LIPH: variants seen among roughly 807,000 people sequenced by gnomAD.
The protein encoded by LIPH is lipase H.
Under a neutral mutation model 47.6 loss-of-function variants are expected in LIPH, and 32 were observed. The observed-to-expected ratio is 0.67, with a 90% confidence interval of 0.51 to 0.90. The LOEUF (loss-of-function observed/expected upper bound fraction) is 0.90. Ranked by LOEUF, LIPH falls within the 40% of genes least tolerant of loss-of-function variation. The pLI is 0.00. For synonymous variants in LIPH, 190 were observed against 195.6 expected (o/e 0.97, Z 0.24); for missense variants, 497 against 541.4 (o/e 0.92, Z 0.81).
At chr3:185,517,749 G>A (rs971350571) in intron 6 of LIPH, among the ~76,000 whole-genome samples, 8 of 152,074 alleles carry the variant, frequency 5.3e-5, no homozygotes, top group African/African-American at 1.7e-4. Flanking sequence ...CATCAGTATT[G>A]TGTTAAAACT....
chr3:185,520,347 C>G (rs1272509341), intron 5 of LIPH, among the ~76,000 whole-genome samples: 1 of 151,748 alleles, frequency 6.6e-6, no homozygotes, highest in Non-Finnish European at 1.5e-5. Flanking sequence ...GGTGAAACCC[C>G]GTCTCTACTA....
chr3:185,530,594 C>G (rs113325716), intron 3 of LIPH, among the ~76,000 whole-genome samples: 1 of 151,890 alleles, frequency 6.6e-6, no homozygotes, highest in East Asian at 1.9e-4. Flanking sequence ...TGCTTGAATC[C>G]GGGAGGCAGA....
At chr3:185,535,483 G>T (rs1312949552) in intron 1 of LIPH, among the ~76,000 whole-genome samples, 1 of 152,084 alleles carries the variant, frequency 6.6e-6, no homozygotes, top group Non-Finnish European at 1.5e-5. Flanking sequence ...TCACCATGTT[G>T]GCCAGGCTGA....
Position 185,533,665 on chromosome 3 carries a change from A to G in LIPH, c.432T>C (p.Ser144=). The change falls in exon 3 of 10, where the codon TCT becomes TCC. Residue 144 remains serine, a synonymous_variant. Transcript: ENST00000296252. The part of the protein sequence containing the change: ...FIDQMLAEGA[S]LDDIYMIGVS... Reference sequence around the variant, plus strand: ...CTCCGATCATGTAAATGTCATCAAGAGAAGCTCCTTCTGCCTGGAATTTCA... The same window carrying G: ...CTCCGATCATGTAAATGTCATCAAGGGAAGCTCCTTCTGCCTGGAATTTCA... The G allele has an allele frequency of 1.9e-6, 3 of 1,612,692 alleles. No homozygotes were observed. The highest frequency in any genetic ancestry group is 1.7e-6 in the Non-Finnish European group (2 of 1,178,656).
chr3:185,515,193 GATAATAAAAATA>G (rs1719688270), intron 7 of LIPH, among the ~76,000 whole-genome samples: 2 of 151,212 alleles, frequency 1.3e-5, no homozygotes. Flanking sequence ...AAGAAAGGGT[GATAATAAAAATA>G]AAGTGGCATT....
At chr3:185,535,458 G>T (rs1009716059) in intron 1 of LIPH, among the ~76,000 whole-genome samples, 6 of 151,982 alleles carry the variant, frequency 3.9e-5, no homozygotes, top group African/African-American at 1.2e-4. Flanking sequence ...TGTATTTTTT[G>T]ATAGAGATGG....
At chr3:185,518,597 C>T (rs1259797054) in intron 6 of LIPH, among the ~76,000 whole-genome samples, 1 of 151,538 alleles carries the variant, frequency 6.6e-6, no homozygotes, top group Admixed American at 6.6e-5. Context: ...CTTTCTAACA[C>T]TGTTTATTAG....
intron 7 of LIPH, among the ~76,000 whole-genome samples, chr3:185,515,511 C>T (rs1719703332): frequency 6.6e-6 from 1 of 150,836 alleles, no homozygotes; most frequent in South Asian, 2.1e-4. Flanking sequence ...CAGTGATCTG[C>T]AGGCTTTTTT....
intron 5 of LIPH, among the ~76,000 whole-genome samples, chr3:185,519,826 C>T (rs200583933): frequency 2.3e-5 from 2 of 87,316 alleles, no homozygotes; most frequent in Non-Finnish European, 3.9e-5. Context: ...AACAGAGTGA[C>T]ACTCCATCTC....
intron 1 of LIPH, among the ~76,000 whole-genome samples, chr3:185,538,981 TA>T (rs1478438173): frequency 2.0e-5 from 3 of 150,734 alleles, no homozygotes; most frequent in Non-Finnish European, 4.4e-5. Flanking sequence ...TTTTTTATTT[TA>T]TTTTTTTGAG....
At chr3:185,534,737 T>G (rs1248488343) in intron 2 of LIPH, 28 bp downstream of exon 2, 2 of 1,611,562 alleles carry the variant, frequency 1.2e-6, no homozygotes, top group African/African-American at 2.7e-5. Context: ...TCAACTTAGC[T>G]CTGAATCATC....
chr3:185,535,769 AT>A (rs1720486156), intron 1 of LIPH, among the ~76,000 whole-genome samples: 1 of 148,480 alleles, frequency 6.7e-6, no homozygotes, highest in Non-Finnish European at 1.5e-5. Context: ...CACCGGGCTA[AT>A]TTTTGTATTT....
At chr3:185,522,031 A>C (rs1719909739) in intron 5 of LIPH, among the ~76,000 whole-genome samples, 1 of 152,176 alleles carries the variant, frequency 6.6e-6, no homozygotes, top group Admixed American at 6.6e-5. Context: ...AACCATCAGA[A>C]ACACTATCGA....
intron 4 of LIPH, among the ~76,000 whole-genome samples, chr3:185,524,434 A>G (rs1054847685): frequency 2.0e-5 from 3 of 151,638 alleles, no homozygotes; most frequent in African/African-American, 7.3e-5. Flanking sequence ...GGCTAATAAA[A>G]TGATACATTT....
chr3:185,508,987 T>C (rs1466049732), intron 9 of LIPH, 110 bp from the exon 10 acceptor site: 2 of 778,736 alleles, frequency 2.6e-6, no homozygotes, highest in South Asian at 1.5e-5. Flanking sequence ...TTGTTTTTAA[T>C]ATAGAAAACA....
At chr3:185,525,725 T>C (rs956467527) in intron 4 of LIPH, among the ~76,000 whole-genome samples, 17 of 152,288 alleles carry the variant, frequency 1.1e-4, no homozygotes, top group African/African-American at 3.8e-4. Flanking sequence ...ACTATACCCT[T>C]TCCTTCAAAA....
At chr3:185,549,754 G>T (rs1437882945) in intron 1 of LIPH, among the ~76,000 whole-genome samples, 2 of 152,124 alleles carry the variant, frequency 1.3e-5, no homozygotes, top group East Asian at 1.9e-4. Context: ...CTACTCAGAG[G>T]CACAGTCATA....
intron 4 of LIPH, among the ~76,000 whole-genome samples, chr3:185,527,228 G>T (rs1167327818): frequency 1.3e-5 from 2 of 151,944 alleles, no homozygotes; most frequent in African/African-American, 4.8e-5. Context: ...GACAGAGCGA[G>T]ACTCTGTCTC....
chr3:185,524,026 A>C (rs1719987469), intron 5 of LIPH, 45 bp downstream of exon 5: 2 of 1,365,868 alleles, frequency 1.5e-6, no homozygotes, highest in East Asian at 4.6e-5. Flanking sequence ...ACAGCCTCCA[A>C]ATATGCCTTT....
Sources: allele counts gnomAD v4.1 joint callset (sites outside exome capture counted in the v4.1 genomes callset), GRCh38; gene constraint gnomAD v4.1.1; transcripts MANE v1.5; gene names NCBI Gene and HGNC (gene_info 2026-07-23, HGNC 2026-07-21).